The following KCTD16 variants were observed in gnomAD, a reference collection of about 807,000 sequenced individuals.
KCTD16 encodes the protein BTB/POZ domain-containing protein KCTD16.
A neutral mutation model predicts 33.2 loss-of-function variants in KCTD16; 13 were observed. The observed-to-expected ratio is 0.39, with a 90% CI of 0.25 to 0.62. The LOEUF (loss-of-function observed/expected upper bound fraction) is 0.62. Among genes scored for constraint, KCTD16 ranks in the 20% least tolerant of loss-of-function variants. KCTD16 has a pLI of 0.50. For missense variants in KCTD16, 441 were observed against 525.1 expected, an observed-to-expected ratio of 0.84 and a Z score of 1.57; for synonymous variants, 197 against 195.3, an observed-to-expected ratio of 1.01 and a Z score of -0.07.
intron 3 of KCTD16, among the ~76,000 whole-genome samples, chr5:144,359,081 C>T (rs1207330932): frequency 6.6e-6 from 1 of 152,164 alleles, no homozygotes; most frequent in African/African-American, 2.4e-5. Context: ...AGTTGCCACT[C>T]CCTTATTTTT....
chr5:144,188,089 A>G (rs747412959), intron 2 of KCTD16, among the ~76,000 whole-genome samples: 1 of 152,172 alleles, frequency 6.6e-6, no homozygotes, highest in Non-Finnish European at 1.5e-5. Context: ...TGCCATCATT[A>G]TAGGTTTCTT....
At chr5:144,271,613 C>G (rs1755295759) in intron 3 of KCTD16, among the ~76,000 whole-genome samples, 1 of 152,074 alleles carries the variant, frequency 6.6e-6, no homozygotes, top group African/African-American at 2.4e-5. Flanking sequence ...CTGCTTTCTT[C>G]ACTTCTATTT....
At chr5:144,203,533 A>G (rs898114165) in intron 2 of KCTD16, among the ~76,000 whole-genome samples, 5 of 152,176 alleles carry the variant, frequency 3.3e-5, no homozygotes, top group African/African-American at 9.7e-5. Flanking sequence ...TCAGTTCTGC[A>G]TCTCTAAGAA....
intron 3 of KCTD16, among the ~76,000 whole-genome samples, chr5:144,223,407 A>G (rs941917427): frequency 2.0e-5 from 3 of 152,240 alleles, no homozygotes; most frequent in Non-Finnish European, 4.4e-5. Flanking sequence ...AAGCTAGTAA[A>G]GAAATAAAGA....
intron 3 of KCTD16, among the ~76,000 whole-genome samples, chr5:144,409,934 G>A (rs1051487614): frequency 7.9e-5 from 12 of 152,340 alleles, no homozygotes; most frequent in Admixed American, 6.5e-4. Context: ...CATCTAATGC[G>A]AATATGAGAT....
chr5:144,230,674 A>G (rs1754075489), intron 3 of KCTD16, among the ~76,000 whole-genome samples: 1 of 152,214 alleles, frequency 6.6e-6, no homozygotes, highest in African/African-American at 2.4e-5. Flanking sequence ...CAGCAAGACC[A>G]TATTTATACA....
intron 2 of KCTD16, among the ~76,000 whole-genome samples, chr5:144,185,712 C>T (rs929061668): frequency 6.6e-6 from 1 of 151,710 alleles, no homozygotes; most frequent in African/African-American, 2.4e-5. Context: ...AGATAGGGAG[C>T]TTTTTTGCAT....
intron 2 of KCTD16, among the ~76,000 whole-genome samples, chr5:144,178,918 C>T (rs1752562549): frequency 6.6e-6 from 1 of 152,118 alleles, no homozygotes; most frequent in Admixed American, 6.5e-5. Context: ...ACTGAGATAG[C>T]TCTAAAGTTA....
At chr5:144,468,184 C>T (rs926433694) in intron 3 of KCTD16, among the ~76,000 whole-genome samples, 4 of 152,212 alleles carry the variant, frequency 2.6e-5, no homozygotes, top group Non-Finnish European at 5.9e-5. Context: ...CTCCTCTAAG[C>T]TTTTAGGTTC....
In KCTD16 at chr5:144,422,889, TA is replaced by T. The variant is rs147905262; in HGVS notation, c.833-50770del. On this transcript the variant is annotated intron_variant, in intron 3 of 3. Transcript: ENST00000512467. ...AGGAGGTGAAAGTAACCTTATGCAA[TA>T]GTTTATGCAAGTGTTTAGTGAGCAT... Among the ~76,000 whole-genome samples, 4 of 152,204 alleles carry T rather than the reference TA, an allele frequency of 2.6e-5. No individual in the cohort carries two copies. The East Asian group carries it at 7.8e-4, about 29-fold the overall frequency.
chr5:144,250,346 T>C (rs1482907605), intron 3 of KCTD16, among the ~76,000 whole-genome samples: 1 of 152,212 alleles, frequency 6.6e-6, no homozygotes, highest in African/African-American at 2.4e-5. Context: ...AACCTAACCA[T>C]GGTCCAAAAT....
At chr5:144,317,981 T>A (rs988803007) in intron 3 of KCTD16, among the ~76,000 whole-genome samples, 1 of 152,236 alleles carries the variant, frequency 6.6e-6, no homozygotes, top group Admixed American at 6.5e-5. Context: ...AAATATTTGC[T>A]GAAAGAATGA....
chr5:144,418,160 C>T (rs752293054), intron 3 of KCTD16, among the ~76,000 whole-genome samples: 1 of 152,090 alleles, frequency 6.6e-6, no homozygotes, highest in Non-Finnish European at 1.5e-5. Context: ...AGCTGAAGAC[C>T]TTCTTGGCAA....
At chr5:144,415,648 T>A (rs148009904) in intron 3 of KCTD16, among the ~76,000 whole-genome samples, 1 of 152,212 alleles carries the variant, frequency 6.6e-6, no homozygotes, top group Non-Finnish European at 1.5e-5. Flanking sequence ...GACTTTGATT[T>A]TGAGCAAATT....
At chr5:144,315,034 G>A (rs938310070) in intron 3 of KCTD16, among the ~76,000 whole-genome samples, 7 of 152,156 alleles carry the variant, frequency 4.6e-5, no homozygotes, top group African/African-American at 1.7e-4. Context: ...TCCAACCGTT[G>A]TCCTTTATTG....
At chr5:144,392,827 C>A (rs140949478) in intron 3 of KCTD16, among the ~76,000 whole-genome samples, 15 of 152,282 alleles carry the variant, frequency 9.9e-5, no homozygotes, top group African/African-American at 2.9e-4. Flanking sequence ...GAAACACATG[C>A]GCACGTGAAG....
In KCTD16 at chr5:144,483,354, A is replaced by G. The variant is rs1754743113; in HGVS notation, c.*9240A>G. ...GGGTTCCTGTGTCCCTACATGATTT[A>G]TCGGTGGAGCTAATTATCTATTTAT... is the stretch of plus-strand genomic sequence containing the variant. On this transcript the variant is annotated 3_prime_UTR_variant, in exon 4 of 4. Transcript: ENST00000512467. 6.6e-6 allele frequency: 1 copy of G among 151,842 alleles called. No individual in the cohort carries two copies. The highest frequency in any genetic ancestry group is 2.4e-5 in the African/African-American group (1 of 41,378). 9.4% of individuals were successfully genotyped at this position (151,842 alleles called of 1,614,324 possible).
At chr5:144,275,357 C>A (rs2126850227) in intron 3 of KCTD16, among the ~76,000 whole-genome samples, 1 of 152,264 alleles carries the variant, frequency 6.6e-6, no homozygotes, top group South Asian at 2.1e-4. Context: ...ACCTAATAAC[C>A]AGAGCACATT....
intron 3 of KCTD16, among the ~76,000 whole-genome samples, chr5:144,339,799 C>A (rs540618870): frequency 6.6e-6 from 1 of 152,168 alleles, no homozygotes; most frequent in East Asian, 1.9e-4. Context: ...TTGCTAAGTG[C>A]TAGGGCTACA....
Sources: gnomAD v4.1 joint callset for allele counts (sites outside exome capture counted in the v4.1 genomes callset) on GRCh38, gnomAD v4.1.1 for gene constraint, MANE v1.5 for transcripts, NCBI Gene and HGNC (gene_info 2026-07-23, HGNC 2026-07-21) for gene names.